The following NECTIN4 variants were observed in gnomAD, a reference collection of about 807,000 sequenced individuals.
The protein encoded by NECTIN4 is nectin-4.
NECTIN4 carries 19 observed loss-of-function variants against 51.7 expected under a neutral mutation model. The observed-to-expected ratio is 0.37, with a 90% CI of 0.26 to 0.54. The LOEUF (loss-of-function observed/expected upper bound fraction) is 0.54. NECTIN4 is among the 20% of genes least tolerant of loss of function. The pLI, the probability that NECTIN4 is intolerant of heterozygous loss-of-function variation, is 0.86. For synonymous variants in NECTIN4, 283 were observed against 286.9 expected (o/e 0.99, Z 0.14); for missense variants, 619 against 662.4 (o/e 0.93, Z 0.72).
intron 1 of NECTIN4, among the ~76,000 whole-genome samples, chr1:161,088,423 A>C (rs2101683944): frequency 6.6e-6 from 1 of 152,298 alleles, no homozygotes; most frequent in African/African-American, 2.4e-5. Context: ...AAGATTATAC[A>C]TTCCTATAAT....
In NECTIN4 at chr1:161,079,895, C is replaced by T; in HGVS notation, c.134G>A (p.Gly45Asp). ...ETSDVVTVVL[G>D]QDAKLPCFYR... The stretch of plus-strand genomic sequence containing the variant: ...GAAGCAGGGCAGTTTTGCGTCCTGG[C>T]CCAGCACCACAGTTACCACGTCTGA... The change falls in exon 2 of 9, where the codon GGC becomes GAC. Residue 45 changes from glycine to aspartate, a missense_variant. Physicochemically the swap from Gly to Asp is moderately conservative, Grantham distance 94. Transcript: ENST00000368012. 6.2e-7 allele frequency: 1 copy of T among 1,613,392 alleles called. No individual in the cohort carries two copies. The highest frequency in any genetic ancestry group is 8.5e-7 in the Non-Finnish European group (1 of 1,179,654).
intron 3 of NECTIN4, among the ~76,000 whole-genome samples, chr1:161,076,700 G>A (rs983559291): frequency 6.6e-6 from 1 of 152,168 alleles, no homozygotes; most frequent in Non-Finnish European, 1.5e-5. Flanking sequence ...TGGTTTACCT[G>A]TACAATGAGA....
At chr1:161,075,539 G>A (rs1328306759) in intron 4 of NECTIN4, among the ~76,000 whole-genome samples, 1 of 151,746 alleles carries the variant, frequency 6.6e-6, no homozygotes, top group Non-Finnish European at 1.5e-5. Context: ...GGGAGGCCGA[G>A]GCTGGCGGAT....
chr1:161,086,563 C>A (rs115112101), intron 1 of NECTIN4, among the ~76,000 whole-genome samples: 364 of 152,312 alleles, frequency 2.4e-3, no homozygotes, highest in African/African-American at 8.4e-3. Context: ...CTGAACCCGA[C>A]AAAGAGCTAG....
Position 161,079,953 on chromosome 1 carries a change from C to A in NECTIN4, c.80-4G>T, listed in dbSNP as rs765035613. ...AGCTCACCCGCGGGGCACCGGCCTG[C>A]AGGGGGCAGAGAGGGACAGCCACCA... On this transcript the variant is annotated splice_polypyrimidine_tract_variant and splice_region_variant and intron_variant, in intron 1 of 8. Transcript: ENST00000368012. The A allele has an allele frequency of 1.3e-5, 20 of 1,595,722 alleles. No homozygotes were observed. The South Asian group carries it at 2.1e-4, about 17-fold the overall frequency.
chr1:161,080,907 T>G (rs1378532443), intron 1 of NECTIN4, among the ~76,000 whole-genome samples: 1 of 152,170 alleles, frequency 6.6e-6, no homozygotes, highest in Non-Finnish European at 1.5e-5. Context: ...TGGAAACATG[T>G]GATGATGGTT....
At chr1:161,081,946 T>G (rs531275129) in intron 1 of NECTIN4, among the ~76,000 whole-genome samples, 58 of 152,060 alleles carry the variant, frequency 3.8e-4, no homozygotes, top group African/African-American at 1.3e-3. Context: ...TAGTGCTCAG[T>G]GGTATGTGGG....
chr1:161,084,069 G>A (rs1653816841), intron 1 of NECTIN4, among the ~76,000 whole-genome samples: 1 of 152,258 alleles, frequency 6.6e-6, no homozygotes, highest in African/African-American at 2.4e-5. Flanking sequence ...CTGTGAGAAG[G>A]AGGAAGGGAG....
intron 1 of NECTIN4, among the ~76,000 whole-genome samples, chr1:161,081,262 A>C (rs142809535): frequency 0.015 from 2,305 of 152,174 alleles, 22 homozygotes; most frequent in Middle Eastern, 0.051. Flanking sequence ...GGAGTCACTA[A>C]AGGTTCCTTA....
At chr1:161,078,089 C>T (rs905055498) in intron 2 of NECTIN4, among the ~76,000 whole-genome samples, 66 of 152,108 alleles carry the variant, frequency 4.3e-4, no homozygotes, top group African/African-American at 1.5e-3. Flanking sequence ...CAAATTCTGT[C>T]AACAAACAGT....
Position 161,077,544 on chromosome 1 carries a change from G to A in NECTIN4, c.639C>T (p.Ser213=). The A allele has an allele frequency of 2.5e-6, 4 of 1,614,086 alleles. No homozygotes were observed. The highest frequency in any genetic ancestry group is 3.4e-6 in the Non-Finnish European group (4 of 1,180,040). Residue 213 remains serine, a synonymous_variant, in exon 3 of 9, where the codon AGC becomes AGT. Coordinates refer to ENST00000368012, the MANE Select transcript of NECTIN4 (RefSeq NM_030916.3). ...AVTSEFHLVP[S]RSMNGQPLTC... ...TCAGTGGCTGCCCATTCATGCTGCG[G>A]CTAGGCACCAAGTGGAACTCTGAGG...
chr1:161,082,538 G>C (rs1053916096), intron 1 of NECTIN4, among the ~76,000 whole-genome samples: 3 of 152,128 alleles, frequency 2.0e-5, no homozygotes, highest in Admixed American at 6.5e-5. Context: ...GAATGGATCA[G>C]AGAGTTTTAG....
At chr1:161,075,876 G>A (rs1224804066) in intron 4 of NECTIN4, among the ~76,000 whole-genome samples, 1 of 152,164 alleles carries the variant, frequency 6.6e-6, no homozygotes, top group East Asian at 1.9e-4. Context: ...TAGAGATCGA[G>A]ACCAGCCTGG....
chr1:161,087,953 T>A (rs190379727), intron 1 of NECTIN4, among the ~76,000 whole-genome samples: 4 of 152,188 alleles, frequency 2.6e-5, no homozygotes, highest in Admixed American at 2.6e-4. Context: ...AAGTGACTGC[T>A]GGTTCCCCAA....
At chr1:161,077,363 G>T in intron 3 of NECTIN4, 90 bp downstream of exon 3, 1 of 1,463,248 alleles carries the variant, frequency 6.8e-7, no homozygotes. Flanking sequence ...ACCCAGGCTG[G>T]CCAGCCTGGC....
At chr1:161,088,629 G>A (rs1277865749) in intron 1 of NECTIN4, among the ~76,000 whole-genome samples, 1 of 152,136 alleles carries the variant, frequency 6.6e-6, no homozygotes, top group Non-Finnish European at 1.5e-5. Flanking sequence ...GGGAAAGGAA[G>A]GGGTCAGAGT....
chr1:161,075,616 C>T (rs966805703), intron 4 of NECTIN4, among the ~76,000 whole-genome samples: 3 of 151,922 alleles, frequency 2.0e-5, no homozygotes, highest in South Asian at 2.1e-4. Flanking sequence ...ACTAAAAATA[C>T]AAAAAACTAG....
At chr1:161,073,037 G>T (rs1311189958) in intron 8 of NECTIN4, 152 bp from the exon 9 acceptor site, 3 of 934,200 alleles carry the variant, frequency 3.2e-6, no homozygotes, top group Admixed American at 2.0e-5. Flanking sequence ...CGGGGACCAG[G>T]AACAAGTGTT....
At position 161,079,593 on chromosome 1, in the gene NECTIN4, G is replaced by T. The variant is rs77444104; in HGVS notation, c.436C>A (p.Leu146Met). The T allele has an allele frequency of 0.019, 29,805 of 1,603,210 alleles. 326 individuals are homozygous for T. The highest frequency in any genetic ancestry group is 0.023 in the Middle Eastern group (140 of 6,054). ...SFQARLRLRVLVPPLPSLNPG... is the reference protein window; with the variant it reads ...SFQARLRLRVMVPPLPSLNPG... ...GTACCCAGAGATCCCCGCTTACCCA[G>T]CACTCGGAGCCGCAGCCGCGCCTGG... Residue 146 changes from leucine to methionine, a missense_variant, in exon 2 of 9, where the codon CTG (leucine) becomes ATG (methionine). By Grantham distance (15) the Leu-to-Met change is conservative. Transcript: ENST00000368012.
Sources: allele counts gnomAD v4.1 joint callset (sites outside exome capture counted in the v4.1 genomes callset), GRCh38; gene constraint gnomAD v4.1.1; transcripts MANE v1.5; gene names NCBI Gene and HGNC (gene_info 2026-07-23, HGNC 2026-07-21).